The following VIP variants were observed in gnomAD, a reference collection of about 807,000 sequenced individuals.
The protein encoded by VIP is VIP peptides.
In VIP, 18 loss-of-function variants were observed where a neutral mutation model predicts 20.1. That is an observed-to-expected ratio of 0.90 (90% CI 0.62 to 1.33). The LOEUF (loss-of-function observed/expected upper bound fraction) is 1.33, where lower values mean the gene tolerates loss of function less well. Ranked by LOEUF, VIP falls within the 40% of genes most tolerant of loss-of-function variation. VIP has a pLI of 0.00. For synonymous variants in VIP, 70 were observed against 68.1 expected (o/e 1.03, Z -0.14); for missense variants, 209 against 199.4 (o/e 1.05, Z -0.29).
At chr6:152,753,851 T>C (rs2099730017) in intron 2 of VIP, among the ~76,000 whole-genome samples, 1 of 152,122 alleles carries the variant, frequency 6.6e-6, no homozygotes, top group Non-Finnish European at 1.5e-5. Flanking sequence ...AAAGTGAAGA[T>C]ATTCTTGGCA....
chr6:152,753,669 TG>T (rs1565404704), intron 2 of VIP, among the ~76,000 whole-genome samples: 1 of 151,948 alleles, frequency 6.6e-6, no homozygotes, highest in Non-Finnish European at 1.5e-5. Flanking sequence ...AAGCAAAGCT[TG>T]GGGGTCGAGA....
chr6:152,751,828 G>A (rs560906778), intron 1 of VIP, among the ~76,000 whole-genome samples: 5 of 152,060 alleles, frequency 3.3e-5, no homozygotes, highest in Admixed American at 6.6e-5. Flanking sequence ...TGTTTCCTTC[G>A]TCAAAAAATA....
chr6:152,758,506 G>A (rs1279302479), intron 6 of VIP, among the ~76,000 whole-genome samples: 1 of 151,884 alleles, frequency 6.6e-6, no homozygotes, highest in South Asian at 2.1e-4. Context: ...TAAGAAACAC[G>A]GTAGGCACTA....
chr6:152,751,601 C>A (rs1400370202), intron 1 of VIP, among the ~76,000 whole-genome samples: 1 of 151,820 alleles, frequency 6.6e-6, no homozygotes. Context: ...AAGTTCAAAT[C>A]CAGGTGTAAG....
intron 2 of VIP, among the ~76,000 whole-genome samples, chr6:152,753,101 C>T (rs1050319935): frequency 6.6e-6 from 1 of 152,096 alleles, no homozygotes; most frequent in Admixed American, 6.6e-5. Context: ...TAGACTTATG[C>T]TCAACAGAGA....
chr6:152,755,602 A>G (rs1191322454), intron 4 of VIP, among the ~76,000 whole-genome samples: 6 of 151,902 alleles, frequency 3.9e-5, no homozygotes. Context: ...ATTTTTCTCA[A>G]GTAGCAATCA....
At position 152,751,542 on chromosome 6, in the gene VIP, C is replaced by T. The variant is rs182069393; in HGVS notation, c.-11+583C>T. ...ATGGAAAAATTTATTTCAATGACAA[C>T]ATATGATTCAGTAATATTTTGAGTA... On this transcript the variant is annotated intron_variant, in intron 1 of 6. Transcript: ENST00000367244. Among the ~76,000 whole-genome samples the T allele has an allele frequency of 1.8e-4, 28 of 152,122 alleles. No individual in the cohort carries two copies. In the East Asian group the frequency reaches 5.4e-3, roughly 29 times the overall value.
In VIP at chr6:152,752,153, A is replaced by G. The variant is rs757031392; in HGVS notation, c.-10-15A>G. On this transcript the variant is annotated splice_polypyrimidine_tract_variant and intron_variant, in intron 1 of 6. Transcript: ENST00000367244. ...ATCTTTGGCTGGAAGAACTGAGGTG[A>G]TTCTCTCTCTTTAGAGGCACAGAAA... is the stretch of plus-strand genomic sequence containing the variant. The G allele has an allele frequency of 6.3e-7, 1 of 1,595,730 alleles. No individual in the cohort carries two copies. Among genetic ancestry groups the G allele is most frequent in the South Asian group, 1.1e-5 (1 of 90,528 alleles).
intron 2 of VIP, 25 bp from the exon 3 acceptor site, chr6:152,754,141 A>ATTC: frequency 6.2e-7 from 1 of 1,604,582 alleles, no homozygotes. Context: ...AGAATGTATT[A>ATTC]TTCTCGTGTA....
At chr6:152,753,826 G>A (rs1030080712) in intron 2 of VIP, among the ~76,000 whole-genome samples, 5 of 151,836 alleles carry the variant, frequency 3.3e-5, no homozygotes, top group Admixed American at 2.0e-4. Context: ...TTCTACATAC[G>A]AAATTTGACT....
chr6:152,757,282 A>C (rs2099730572), intron 6 of VIP, 98 bp downstream of exon 6: 1 of 765,292 alleles, frequency 1.3e-6, no homozygotes, highest in African/African-American at 1.8e-5. Context: ...AGGGTTAAAT[A>C]GTTTCTCATC....
chr6:152,758,759 G>T (rs1200198102), intron 6 of VIP, among the ~76,000 whole-genome samples, 151 bp from the exon 7 acceptor site: 1 of 152,096 alleles, frequency 6.6e-6, no homozygotes. Context: ...TGCTCTCTTG[G>T]TATGTCCCAG....
chr6:152,750,950 A>G lies in VIP; in HGVS notation c.-20A>G, dbSNP rs1354708602. On this transcript the variant is annotated 5_prime_UTR_variant, in exon 1 of 7. Coordinates refer to ENST00000367244, the MANE Select transcript of VIP (RefSeq NM_003381.4). Reference sequence around the variant, plus strand: ...GAACAGTCAGCTCCGGGGGAGCACGACTGGGCGAGGTAAGTGAAAACTTTA... The same window carrying G: ...GAACAGTCAGCTCCGGGGGAGCACGGCTGGGCGAGGTAAGTGAAAACTTTA... 6.6e-6 allele frequency: 1 copy of G among 152,188 alleles called. No individual in the cohort carries two copies. Among genetic ancestry groups the G allele is most frequent in the African/African-American group, 2.4e-5 (1 of 41,452 alleles). 9.4% of individuals were successfully genotyped at this position (152,188 alleles called of 1,614,324 possible).
At chr6:152,756,615 A>G (rs1229905243) in intron 5 of VIP, among the ~76,000 whole-genome samples, 3 of 152,034 alleles carry the variant, frequency 2.0e-5, no homozygotes, top group Non-Finnish European at 2.9e-5. Context: ...GATGATTTTT[A>G]AAACATGTAA....
intron 2 of VIP, 98 bp downstream of exon 2, chr6:152,752,382 G>T (rs2099729775): frequency 2.1e-6 from 2 of 960,368 alleles, no homozygotes; most frequent in South Asian, 1.9e-5. Flanking sequence ...TATAAATTAT[G>T]TATTATGTAT....
chr6:152,755,166 C>T (rs2099730225), intron 3 of VIP, 103 bp from the exon 4 acceptor site: 1 of 643,392 alleles, frequency 1.6e-6, no homozygotes. Flanking sequence ...TAATGAGAAG[C>T]TTTCATAATA....
chr6:152,758,661 G>A (rs546941138), intron 6 of VIP, among the ~76,000 whole-genome samples: 43 of 152,074 alleles, frequency 2.8e-4, no homozygotes, highest in African/African-American at 8.4e-4. Flanking sequence ...TCATCCATTA[G>A]TGAAAATTAC....
chr6:152,752,343 C>G, intron 2 of VIP, 59 bp downstream of exon 2: 1 of 1,427,400 alleles, frequency 7.0e-7, no homozygotes, highest in Non-Finnish European at 9.7e-7. Flanking sequence ...ATGGGAATTT[C>G]CTATACATTT....
At chr6:152,755,126 GT>G in intron 3 of VIP, 142 bp from the exon 4 acceptor site, 1 of 508,428 alleles carries the variant, frequency 2.0e-6, no homozygotes, top group Middle Eastern at 4.6e-4. Flanking sequence ...TTGTTAGGGT[GT>G]TAAGAAATCT....
Sources: gnomAD v4.1 joint callset for allele counts (sites outside exome capture counted in the v4.1 genomes callset) on GRCh38, gnomAD v4.1.1 for gene constraint, MANE v1.5 for transcripts, NCBI Gene and HGNC (gene_info 2026-07-23, HGNC 2026-07-21) for gene names.